ZFHX3: variants seen among roughly 807,000 people sequenced by gnomAD.
ZFHX3 encodes the protein zinc finger homeobox 3.
A neutral mutation model predicts 279.1 loss-of-function variants in ZFHX3; 42 were observed. That is an observed-to-expected ratio of 0.15 (90% CI 0.12 to 0.19). ZFHX3 has a LOEUF of 0.19. ZFHX3 is among the 10% of genes least tolerant of loss of function. The pLI, the probability that ZFHX3 is intolerant of heterozygous loss-of-function variation, is 1.00. For synonymous variants in ZFHX3, 2,293 were observed against 1,957.8 expected (o/e 1.17, Z -4.52); for missense variants, 4,981 against 4,754.0 (o/e 1.05, Z -1.40).
rs2053052090 is a variant in ZFHX3 at position 73,683,899 on chromosome 16, T to C, written c.-1607-3659A>G. ...ACTTCTTCTGTAAAGGGCCATGTAGTAATATTTCTTGTTTGTGGGCCACAT... is the reference window on the plus strand; with the variant it reads ...ACTTCTTCTGTAAAGGGCCATGTAGCAATATTTCTTGTTTGTGGGCCACAT... On this transcript the variant is annotated intron_variant, in intron 1 of 17. Coordinates refer to the ZFHX3 transcript ENST00000641206. Among the ~76,000 whole-genome samples, 4 of 152,358 alleles carry C rather than the reference T, an allele frequency of 2.6e-5. No individual in the cohort carries two copies. The South Asian group carries it at 8.3e-4, about 32-fold the overall frequency.
intron 1 of ZFHX3, among the ~76,000 whole-genome samples, chr16:73,036,656 G>T (rs964564518): frequency 6.6e-6 from 1 of 151,714 alleles, no homozygotes; most frequent in African/African-American, 2.4e-5. Context: ...GGGAGGAGGG[G>T]GACTGGGTGT....
At chr16:73,166,376 G>C (rs1010518943) in intron 5 of ZFHX3, among the ~76,000 whole-genome samples, 1 of 152,180 alleles carries the variant, frequency 6.6e-6, no homozygotes, top group Non-Finnish European at 1.5e-5. Context: ...AGGAAGCTGG[G>C]AACAGTTGCA....
At chr16:73,491,609 G>A (rs1230082723) in intron 2 of ZFHX3, among the ~76,000 whole-genome samples, 1 of 152,182 alleles carries the variant, frequency 6.6e-6, no homozygotes, top group Non-Finnish European at 1.5e-5. Context: ...CTCATTGGCT[G>A]GCAAAGTGGC....
chr16:73,165,717 C>T (rs1046207310), intron 5 of ZFHX3, among the ~76,000 whole-genome samples: 8 of 152,168 alleles, frequency 5.3e-5, no homozygotes, highest in Non-Finnish European at 8.8e-5. Context: ...GTACGTGTTC[C>T]ATTACGTCTC....
chr16:73,260,352 A>C lies in ZFHX3; in HGVS notation c.-1193-3216T>G, dbSNP rs571699474. On this transcript the variant is annotated intron_variant, in intron 4 of 17. Coordinates refer to the ZFHX3 transcript ENST00000641206. ...ATTGGTAAGTATCTTTTTGGGAGAT[A>C]TTTTGAGACTCTGGAAATATCCTGT... Among the ~76,000 whole-genome samples, 9 of 152,186 alleles carry C rather than the reference A, an allele frequency of 5.9e-5. No individual in the cohort carries two copies. In the East Asian group the frequency reaches 1.5e-3, roughly 26 times the overall value.
At chr16:73,469,996 G>T (rs1003415908) in intron 2 of ZFHX3, among the ~76,000 whole-genome samples, 1 of 152,076 alleles carries the variant, frequency 6.6e-6, no homozygotes, top group African/African-American at 2.4e-5. Context: ...TCTAATGTGC[G>T]GAAAAGCTGG....
intron 5 of ZFHX3, among the ~76,000 whole-genome samples, chr16:73,176,356 C>A (rs1967663465): frequency 6.6e-6 from 1 of 152,162 alleles, no homozygotes; most frequent in Non-Finnish European, 1.5e-5. Flanking sequence ...ACAGTGCTAC[C>A]TGAAAGTCTC....
At chr16:72,949,526 AG>A (rs1234838333) in intron 3 of ZFHX3, among the ~76,000 whole-genome samples, 2 of 152,180 alleles carry the variant, frequency 1.3e-5, no homozygotes, top group Non-Finnish European at 2.9e-5. Flanking sequence ...TGCAAGTGAA[AG>A]GACTATTTAC....
At chr16:72,916,296 T>C (rs9933951) in intron 3 of ZFHX3, among the ~76,000 whole-genome samples, 2,698 of 152,340 alleles carry the variant, frequency 0.018, 63 homozygotes, top group African/African-American at 0.061. Context: ...TCTCATGATA[T>C]GCTTGTGAAC....
At chr16:73,407,953 G>A (rs948647232) in intron 3 of ZFHX3, among the ~76,000 whole-genome samples, 1 of 152,030 alleles carries the variant, frequency 6.6e-6, no homozygotes, top group Non-Finnish European at 1.5e-5. Flanking sequence ...AAAGCAAACA[G>A]CAGTTGGGGA....
chr16:73,799,123 C>A (rs959096870), intron 1 of ZFHX3, among the ~76,000 whole-genome samples: 1 of 152,140 alleles, frequency 6.6e-6, no homozygotes, highest in Non-Finnish European at 1.5e-5. Context: ...CTGTATTACC[C>A]TGGAGGCACC....
intron 2 of ZFHX3, among the ~76,000 whole-genome samples, chr16:72,952,672 C>A (rs558689133): frequency 6.6e-6 from 1 of 152,190 alleles, no homozygotes; most frequent in Admixed American, 6.5e-5. Flanking sequence ...ACGAAAGGGC[C>A]GGGCGAAGAT....
chr16:72,933,115 T>A (rs747684852), intron 3 of ZFHX3, among the ~76,000 whole-genome samples: 2 of 152,160 alleles, frequency 1.3e-5, no homozygotes, highest in Non-Finnish European at 2.9e-5. Flanking sequence ...CACCAACATG[T>A]GCCCGGCATC....
At chr16:73,523,845 T>C (rs555330704) in intron 2 of ZFHX3, among the ~76,000 whole-genome samples, 2 of 152,174 alleles carry the variant, frequency 1.3e-5, no homozygotes, top group South Asian at 4.2e-4. Context: ...ATTGAAAATA[T>C]AGAAGCAGAG....
At chr16:73,133,021 C>T (rs1011382385) in intron 6 of ZFHX3, among the ~76,000 whole-genome samples, 1 of 152,198 alleles carries the variant, frequency 6.6e-6, no homozygotes, top group Admixed American at 6.5e-5. Flanking sequence ...TGATGAGCAA[C>T]CTTGGCAACA....
chr16:72,874,836 A>G (rs1300712212), intron 4 of ZFHX3, among the ~76,000 whole-genome samples: 2 of 152,162 alleles, frequency 1.3e-5, no homozygotes, highest in East Asian at 3.9e-4. Context: ...TCTGTGATCT[A>G]TAGCTGAGTG....
intron 1 of ZFHX3, among the ~76,000 whole-genome samples, chr16:73,875,042 C>T (rs910085356): frequency 9.9e-5 from 15 of 152,016 alleles, no homozygotes; most frequent in African/African-American, 3.4e-4. Flanking sequence ...GAACTTTTCC[C>T]GGGTATATAG....
chr16:72,935,752 C>A (rs1960088426), intron 3 of ZFHX3, among the ~76,000 whole-genome samples: 1 of 150,812 alleles, frequency 6.6e-6, no homozygotes, highest in Non-Finnish European at 1.5e-5. Flanking sequence ...AAAAAAAATC[C>A]ATCTTTTGCC....
At chr16:73,079,862 TG>T (rs1567658731) in intron 8 of ZFHX3, among the ~76,000 whole-genome samples, 2 of 152,212 alleles carry the variant, frequency 1.3e-5, no homozygotes, top group African/African-American at 4.8e-5. Flanking sequence ...TTAGAGAAGA[TG>T]GTCATTATTT....
Sources: allele counts gnomAD v4.1 joint callset (sites outside exome capture counted in the v4.1 genomes callset), GRCh38; gene constraint gnomAD v4.1.1; transcripts MANE v1.5; gene names NCBI Gene and HGNC (gene_info 2026-07-23, HGNC 2026-07-21).